The following DNAH5 variants were observed in gnomAD, a reference collection of about 807,000 sequenced individuals.
DNAH5 encodes dynein axonemal heavy chain 5.
In DNAH5, 372 loss-of-function variants were observed where a neutral mutation model predicts 518.2. The ratio of observed to expected loss-of-function variants is 0.72; its 90% confidence interval spans 0.66 to 0.78. The LOEUF (loss-of-function observed/expected upper bound fraction) is 0.78, where lower values mean the gene tolerates loss of function less well. Among genes scored for constraint, DNAH5 ranks in the 30% least tolerant of loss-of-function variants. The pLI, the probability that DNAH5 is intolerant of heterozygous loss-of-function variation, is 0.00. For synonymous variants in DNAH5, 2,039 were observed against 2,025.9 expected (o/e 1.01, Z -0.17); for missense variants, 5,523 against 5,687.0 (o/e 0.97, Z 0.93).
intron 47 of DNAH5, among the ~76,000 whole-genome samples, chr5:13,804,072 G>T (rs1580332187): frequency 6.6e-6 from 1 of 151,906 alleles, no homozygotes; most frequent in East Asian, 1.9e-4. Flanking sequence ...CTACTTCTAT[G>T]TATGAATTAC....
At chr5:13,730,730 T>C (rs538073451) in intron 68 of DNAH5, among the ~76,000 whole-genome samples, 48 of 150,068 alleles carry the variant, frequency 3.2e-4, no homozygotes, top group Non-Finnish European at 3.9e-4. Flanking sequence ...TGAGATGTAG[T>C]TTCACTCTTG....
intron 75 of DNAH5, among the ~76,000 whole-genome samples, chr5:13,709,499 A>C (rs915580811): frequency 6.6e-6 from 1 of 152,198 alleles, no homozygotes; most frequent in African/African-American, 2.4e-5. Flanking sequence ...CTCTTTCCAC[A>C]ATACTCATTA....
At chr5:13,777,820 C>T (rs191064637) in intron 53 of DNAH5, among the ~76,000 whole-genome samples, 8 of 152,248 alleles carry the variant, frequency 5.3e-5, no homozygotes, top group Non-Finnish European at 7.4e-5. Context: ...CCCCCAACAC[C>T]GTTATCATCA....
At chr5:13,983,718 T>A (rs193162914) in intron 1 of DNAH5, among the ~76,000 whole-genome samples, 3 of 152,326 alleles carry the variant, frequency 2.0e-5, no homozygotes, top group African/African-American at 4.8e-5. Context: ...GACCAAATTC[T>A]GGATGACATC....
chr5:13,976,785 G>C (rs956248184), intron 1 of DNAH5, among the ~76,000 whole-genome samples: 1 of 151,528 alleles, frequency 6.6e-6, no homozygotes, highest in African/African-American at 2.4e-5. Context: ...TCCACTGAGG[G>C]TCTCAGAATA....
At chr5:13,927,117 A>T in intron 3 of DNAH5, among the ~76,000 whole-genome samples, 1 of 152,136 alleles carries the variant, frequency 6.6e-6, no homozygotes, top group African/African-American at 2.4e-5. Flanking sequence ...TCAGATATTG[A>T]CTTATCTTCC....
In DNAH5 at chr5:13,841,756, G is replaced by C. The variant is rs190307087; in HGVS notation, c.5420C>G (p.Ala1807Gly). The C allele has an allele frequency of 3.7e-6, 6 of 1,614,036 alleles. No individual in the cohort carries two copies. Among genetic ancestry groups the C allele is most frequent in the Non-Finnish European group, 4.2e-6 (5 of 1,179,962 alleles). The part of the protein sequence containing the change: ...QSSLHLVIRQ[A>G]AANIQETGFQ... ...ACCTGTTTCTTGAATATTTGCGGCT[G>C]CCTGGCGAATCACAAGATGCAATGA... The change falls in exon 33 of 79, where the codon GCA becomes GGA. Residue 1807 changes from alanine to glycine, a missense_variant. Transcript: ENST00000265104.
Position 13,864,399 on chromosome 5 carries a change from C to G in DNAH5, c.4594G>C (p.Glu1532Gln), listed in dbSNP as rs1768918432. The G allele has an allele frequency of 6.2e-7, 1 of 1,613,774 alleles. No homozygotes were observed. Among genetic ancestry groups the G allele is most frequent in the Non-Finnish European group, 8.5e-7 (1 of 1,179,998 alleles). Residue 1532 changes from glutamate (E) to glutamine (Q), a missense_variant and splice_region_variant, in exon 28 of 79, where the codon GAG (glutamate) becomes CAG (glutamine). Physicochemically the swap from Glu to Gln is conservative, Grantham distance 29. This residue lies in a region of DNAH5 where 5,121 missense variants were observed against 5,223.3 expected (regional missense o/e 0.98). Coordinates refer to ENST00000265104, the MANE Select transcript of DNAH5 (RefSeq NM_001369.3). Reference sequence around the variant, plus strand: ...TCTTCCATCACATCATACTCTACCTCTATTTCCTCTTTATATTTCAGAAGA... The same window carrying G: ...TCTTCCATCACATCATACTCTACCTGTATTTCCTCTTTATATTTCAGAAGA... Reference protein sequence around the residue: ...APLLKYKEEIEDICISAVKER... With the variant: ...APLLKYKEEIQDICISAVKER...
intron 3 of DNAH5, among the ~76,000 whole-genome samples, chr5:13,925,403 C>T (rs1273146230): frequency 6.6e-6 from 1 of 152,008 alleles, no homozygotes; most frequent in Non-Finnish European, 1.5e-5. Context: ...TTTGTGAGGA[C>T]AGTTATGCTA....
rs758628126 is a variant in DNAH5, at chr5:13,765,964, T to C, written c.10101+12A>G. On this transcript the variant is annotated intron_variant, in intron 59 of 78. Coordinates refer to ENST00000265104, the MANE Select transcript of DNAH5 (RefSeq NM_001369.3). ...GAGTTCCCTCTTAGCCCATCACCAC[T>C]GAACTACCAACCTGTAAGTTCTGTA... The C allele has an allele frequency of 1.2e-6, 2 of 1,613,510 alleles. No homozygotes were observed. Among genetic ancestry groups the C allele is most frequent in the Non-Finnish European group, 1.7e-6 (2 of 1,179,398 alleles).
chr5:13,889,460 A>T (rs1317963096), intron 17 of DNAH5, among the ~76,000 whole-genome samples: 1 of 152,206 alleles, frequency 6.6e-6, no homozygotes, highest in East Asian at 1.9e-4. Flanking sequence ...CAGGCCTGAA[A>T]CTGCTCTCCT....
rs377638408 is a variant in DNAH5, at chr5:13,829,506, A to G, written c.6444+4T>C. The G allele has an allele frequency of 3.2e-5, 51 of 1,614,108 alleles. No individual in the cohort carries two copies. In the Middle Eastern group the frequency reaches 6.6e-4, roughly 21 times the overall value. On this transcript the variant is annotated splice_donor_region_variant and intron_variant, in intron 38 of 78. Transcript: ENST00000265104. ...AAGTGCATAAGACCTCCAGGATGAC[A>G]CACCTGCTTAGAAAGCTGCTCCTCA...
chr5:13,714,497 A>G lies in DNAH5; in HGVS notation c.13033T>C (p.Ser4345Pro). 6.2e-7 allele frequency: 1 copy of G among 1,614,068 alleles called. No homozygotes were observed. Among genetic ancestry groups the G allele is most frequent in the Non-Finnish European group, 8.5e-7 (1 of 1,180,008 alleles). ...TILGIQPKDT[S>P]GGGDETREAV... is the part of the protein sequence containing the mutation. ...TCCCGGGTCTCATCCCCTCCACCAG[A>G]GGTGTCCTTGGGTTGGATGCCTAGG... Residue 4345 changes from serine (S) to proline (P), a missense_variant, in exon 75 of 79, where the codon TCT becomes CCT. This residue lies in a region of DNAH5 where 387 missense variants were observed against 430.0 expected (regional missense o/e 0.90). Transcript: ENST00000265104.
intron 1 of DNAH5, among the ~76,000 whole-genome samples, chr5:13,939,517 G>A (rs10055056): frequency 0.4 from 60,816 of 151,850 alleles, 13,479 homozygotes; most frequent in East Asian, 0.7. Context: ...AATCAACCCT[G>A]TTTCCCTGTC....
chr5:13,883,045 C>T lies in DNAH5; in HGVS notation c.3033G>A (p.Arg1011=). The part of the protein sequence containing the change: ...NMKQNSLPIF[R]ASVTLAIPNI... ...TGGGAATGGCCAGAGTGACGCTTGCCCGGAAAATGGGCAAACTGTTCTGCT... is the reference window on the plus strand; with the variant it reads ...TGGGAATGGCCAGAGTGACGCTTGCTCGGAAAATGGGCAAACTGTTCTGCT... The change falls in exon 20 of 79, where the codon CGG becomes CGA. Residue 1011 remains arginine (R), a synonymous_variant. Transcript: ENST00000265104. 1 of 1,614,082 alleles carries T rather than the reference C, an allele frequency of 6.2e-7. No homozygotes were observed. Among genetic ancestry groups the T allele is most frequent in the Non-Finnish European group, 8.5e-7 (1 of 1,180,020 alleles).
chr5:13,837,442 A>G (rs1267388576), intron 35 of DNAH5, among the ~76,000 whole-genome samples: 1 of 152,046 alleles, frequency 6.6e-6, no homozygotes, highest in Non-Finnish European at 1.5e-5. Context: ...CAGAGAGGAA[A>G]TCCTGGAGTC....
At chr5:13,751,768 C>T (rs1465714504) in intron 64 of DNAH5, among the ~76,000 whole-genome samples, 1 of 151,990 alleles carries the variant, frequency 6.6e-6, no homozygotes, top group Non-Finnish European at 1.5e-5. Flanking sequence ...GGTTCCCATA[C>T]ATAGGTGTGG....
chr5:13,768,809 G>A, intron 58 of DNAH5, 151 bp downstream of exon 58: 1 of 895,144 alleles, frequency 1.1e-6, no homozygotes, highest in Non-Finnish European at 1.8e-6. Flanking sequence ...AGCTAATAAA[G>A]TCTCAAGCAG....
At chr5:13,914,765 TA>T in intron 9 of DNAH5, 123 bp from the exon 10 acceptor site, 1 of 1,003,990 alleles carries the variant, frequency 1.0e-6, no homozygotes, top group East Asian at 2.5e-5. Flanking sequence ...AGCTTGGGTT[TA>T]TTTTTTTTCC....
Sources: gnomAD v4.1 joint callset for allele counts (sites outside exome capture counted in the v4.1 genomes callset) on GRCh38, gnomAD v4.1.1 for gene constraint, gnomAD v4.1.1 regional missense constraint, MANE v1.5 for transcripts, NCBI Gene and HGNC (gene_info 2026-07-23, HGNC 2026-07-21) for gene names.